PTPRM: variants seen among roughly 807,000 people sequenced by gnomAD.
PTPRM encodes receptor-type tyrosine-protein phosphatase mu.
A neutral mutation model predicts 186.7 loss-of-function variants in PTPRM; 47 were observed. That is an observed-to-expected ratio of 0.25 (90% CI 0.20 to 0.32). PTPRM has a LOEUF of 0.32. Among genes scored for constraint, PTPRM ranks in the 10% least tolerant of loss-of-function variants. PTPRM has a pLI of 1.00. For missense variants in PTPRM, 1,494 were observed against 1,865.0 expected, an observed-to-expected ratio of 0.80 and a Z score of 3.66; for synonymous variants, 668 against 674.9, an observed-to-expected ratio of 0.99 and a Z score of 0.16.
At position 7,623,219 on chromosome 18, in the gene PTPRM, C is replaced by T. The variant is rs2037982384; in HGVS notation, c.73+55328C>T. ...GATTTTGCTTTTAGTGTAAATCTTACCTTTTTTTGGAAAAATATGTATTGG... is the reference window on the plus strand; with the variant it reads ...GATTTTGCTTTTAGTGTAAATCTTATCTTTTTTTGGAAAAATATGTATTGG... On this transcript the variant is annotated intron_variant, in intron 1 of 32. Coordinates refer to ENST00000580170, the MANE Select transcript of PTPRM (RefSeq NM_001105244.2). Among the ~76,000 whole-genome samples, 2 of 152,016 alleles carry T rather than the reference C, an allele frequency of 1.3e-5. 1 individual carries two copies. Among genetic ancestry groups the T allele is most frequent in the South Asian group, 4.2e-4 (2 of 4,816 alleles).
At chr18:7,896,573 CTGGGGAGGG>C (rs2049368918) in intron 3 of PTPRM, among the ~76,000 whole-genome samples, 1 of 142,244 alleles carries the variant, frequency 7.0e-6, no homozygotes, top group South Asian at 2.6e-4. Flanking sequence ...AGAAGTGGGG[CTGGGGAGGG>C]TGGGCATGGA....
intron 24 of PTPRM, among the ~76,000 whole-genome samples, chr18:8,371,306 C>A (rs769551968): frequency 4.6e-5 from 7 of 152,154 alleles, no homozygotes; most frequent in Non-Finnish European, 5.9e-5. Flanking sequence ...TTTCTTTGTT[C>A]ACAGAACAAA....
At chr18:8,039,521 G>T (rs554493494) in intron 7 of PTPRM, among the ~76,000 whole-genome samples, 6 of 151,958 alleles carry the variant, frequency 3.9e-5, no homozygotes, top group Non-Finnish European at 1.5e-5. Context: ...GCTAAGTTCC[G>T]TATTTTTCGT....
At chr18:8,266,452 A>G (rs2094702146) in intron 19 of PTPRM, among the ~76,000 whole-genome samples, 1 of 152,062 alleles carries the variant, frequency 6.6e-6, no homozygotes, top group Non-Finnish European at 1.5e-5. Flanking sequence ...TTTACAGTGT[A>G]TAAATTCGTA....
At chr18:8,116,192 T>G (rs1000934248) in intron 13 of PTPRM, among the ~76,000 whole-genome samples, 2 of 152,184 alleles carry the variant, frequency 1.3e-5, no homozygotes, top group Admixed American at 6.5e-5. Flanking sequence ...TGGTCCATAC[T>G]CAACAACAGG....
At chr18:7,700,993 A>AAAAAT (rs10653685) in intron 1 of PTPRM, among the ~76,000 whole-genome samples, 1 of 107,352 alleles carries the variant, frequency 9.3e-6, no homozygotes, top group Admixed American at 1.2e-4. Flanking sequence ...AAAAAAAAAA[A>AAAAAT]AAAGAAAGAA....
At chr18:8,035,321 CT>C (rs1212627124) in intron 7 of PTPRM, among the ~76,000 whole-genome samples, 1 of 152,058 alleles carries the variant, frequency 6.6e-6, no homozygotes, top group Non-Finnish European at 1.5e-5. Flanking sequence ...GAAAAATAAC[CT>C]GCAAATCATG....
intron 14 of PTPRM, among the ~76,000 whole-genome samples, chr18:8,159,156 G>T (rs7230799): frequency 6.6e-6 from 1 of 152,062 alleles, no homozygotes; most frequent in Non-Finnish European, 1.5e-5. Flanking sequence ...ATACAGAGGC[G>T]CCACTGTGTT....
At chr18:7,795,810 C>CTTTTTTTTT (rs397741769) in intron 2 of PTPRM, among the ~76,000 whole-genome samples, 14 of 117,738 alleles carry the variant, frequency 1.2e-4, no homozygotes, top group East Asian at 2.4e-4. Flanking sequence ...TTCTTTCTTT[C>CTTTTTTTTT]TTTTTTTTTT....
At chr18:8,094,378 A>AGATATAAATGTTTTGT (rs1386133140) in intron 11 of PTPRM, among the ~76,000 whole-genome samples, 1 of 151,772 alleles carries the variant, frequency 6.6e-6, no homozygotes, top group Non-Finnish European at 1.5e-5. Flanking sequence ...AAAAAAAAAA[A>AGATATAAATGTTTTGT]GATATAAATG....
At chr18:7,740,366 G>A (rs866942046) in intron 1 of PTPRM, among the ~76,000 whole-genome samples, 2 of 152,202 alleles carry the variant, frequency 1.3e-5, no homozygotes, top group African/African-American at 4.8e-5. Context: ...GGGCATAAAT[G>A]CAAGTTGCCC....
intron 2 of PTPRM, among the ~76,000 whole-genome samples, chr18:7,813,472 C>T (rs890624405): frequency 2.0e-5 from 3 of 152,102 alleles, no homozygotes; most frequent in African/African-American, 7.2e-5. Flanking sequence ...TTGGTAACCA[C>T]GTAAGAAATA....
At chr18:7,966,212 A>G (rs962340713) in intron 7 of PTPRM, among the ~76,000 whole-genome samples, 26 of 152,354 alleles carry the variant, frequency 1.7e-4, no homozygotes, top group African/African-American at 6.0e-4. Context: ...AAGAAATTTT[A>G]TTAGGAAGTA....
intron 2 of PTPRM, among the ~76,000 whole-genome samples, chr18:7,855,293 G>T (rs1381277452): frequency 1.3e-5 from 2 of 152,158 alleles, no homozygotes; most frequent in Non-Finnish European, 2.9e-5. Flanking sequence ...TGATTAAGGA[G>T]ACATGGTCTC....
intron 14 of PTPRM, among the ~76,000 whole-genome samples, chr18:8,200,421 C>G (rs1387721713): frequency 2.0e-5 from 3 of 152,244 alleles, no homozygotes; most frequent in Non-Finnish European, 4.4e-5. Context: ...TGTCACAAGA[C>G]ATTGTTGTTT....
At chr18:8,177,156 T>G (rs1322269759) in intron 14 of PTPRM, among the ~76,000 whole-genome samples, 1 of 152,226 alleles carries the variant, frequency 6.6e-6, no homozygotes, top group Non-Finnish European at 1.5e-5. Flanking sequence ...TTTTTAACCT[T>G]TATAAAAGTA....
At chr18:7,842,756 T>C (rs1270990569) in intron 2 of PTPRM, among the ~76,000 whole-genome samples, 1 of 151,228 alleles carries the variant, frequency 6.6e-6, no homozygotes, top group Non-Finnish European at 1.5e-5. Flanking sequence ...GACAGTTTCT[T>C]AAAATCTCAA....
At chr18:8,072,913 T>C (rs966755743) in intron 8 of PTPRM, among the ~76,000 whole-genome samples, 7 of 152,222 alleles carry the variant, frequency 4.6e-5, no homozygotes, top group African/African-American at 1.4e-4. Context: ...TTTATTCATA[T>C]TGTTTTAATT....
intron 1 of PTPRM, chr18:7,751,214 C>G (rs1326310418): frequency 6.6e-6 from 1 of 152,318 alleles, no homozygotes; most frequent in Non-Finnish European, 1.5e-5. Context: ...TTGGCTCAGA[C>G]TACTTCTGCC....
Sources: gnomAD v4.1 joint callset for allele counts (sites outside exome capture counted in the v4.1 genomes callset) on GRCh38, gnomAD v4.1.1 for gene constraint, MANE v1.5 for transcripts, NCBI Gene and HGNC (gene_info 2026-07-23, HGNC 2026-07-21) for gene names.